Variants in ASTN1 observed in about 807,000 individuals in gnomAD.
ASTN1 encodes astrotactin 1.
ASTN1 carries 41 observed loss-of-function variants against 140.7 expected under a neutral mutation model. That is an observed-to-expected ratio of 0.29 (90% CI 0.23 to 0.38). The LOEUF (loss-of-function observed/expected upper bound fraction) is 0.38, where lower values mean the gene tolerates loss of function less well. Among genes scored for constraint, ASTN1 ranks in the 10% least tolerant of loss-of-function variants. The pLI is 1.00. For missense variants in ASTN1, 1,479 were observed against 1,678.8 expected (o/e 0.88, Z 2.08); for synonymous variants, 640 against 652.2 (o/e 0.98, Z 0.29).
chr1:177,029,958 C>G (rs1676341533), intron 4 of ASTN1, among the ~76,000 whole-genome samples: 1 of 152,218 alleles, frequency 6.6e-6, no homozygotes, highest in Non-Finnish European at 1.5e-5. Flanking sequence ...CCCTGCCCCA[C>G]CCACTTCCCT....
chr1:176,987,899 A>G (rs556802457), intron 8 of ASTN1, among the ~76,000 whole-genome samples: 1 of 152,328 alleles, frequency 6.6e-6, no homozygotes, highest in South Asian at 2.1e-4. Flanking sequence ...TTTGGCAACT[A>G]ACAGGATATG....
intron 16 of ASTN1, among the ~76,000 whole-genome samples, chr1:176,902,041 C>T (rs1435515558): frequency 6.6e-6 from 1 of 152,148 alleles, no homozygotes; most frequent in African/African-American, 2.4e-5. Flanking sequence ...GCAGCCGGTC[C>T]CTCAAGAGCA....
chr1:177,101,383 C>A (rs1220095926), intron 1 of ASTN1, among the ~76,000 whole-genome samples: 1 of 152,194 alleles, frequency 6.6e-6, no homozygotes, highest in East Asian at 1.9e-4. Flanking sequence ...CAATGAACAA[C>A]CTACAGCTAC....
At chr1:176,988,317 GAA>G (rs386368806) in intron 8 of ASTN1, among the ~76,000 whole-genome samples, 1 of 139,972 alleles carries the variant, frequency 7.1e-6, no homozygotes. Flanking sequence ...GATATATTGG[GAA>G]AAAAAAAAAA....
At chr1:177,039,525 G>T (rs1037389242) in intron 2 of ASTN1, among the ~76,000 whole-genome samples, 2 of 152,184 alleles carry the variant, frequency 1.3e-5, no homozygotes, top group Non-Finnish European at 2.9e-5. Flanking sequence ...GATAAGGAAT[G>T]GATAAAGCAG....
intron 1 of ASTN1, among the ~76,000 whole-genome samples, chr1:177,104,980 C>G (rs1245914197): frequency 1.3e-5 from 2 of 152,092 alleles, no homozygotes; most frequent in Non-Finnish European, 2.9e-5. Context: ...ACGGGCATTC[C>G]TCTACGACTA....
At chr1:177,148,140 C>T (rs1322059824) in intron 1 of ASTN1, among the ~76,000 whole-genome samples, 6 of 152,102 alleles carry the variant, frequency 3.9e-5, no homozygotes, top group African/African-American at 1.2e-4. Flanking sequence ...ATTTTCAGGC[C>T]GGGTGTGGTG....
chr1:176,868,124 T>A (rs979029827), intron 22 of ASTN1, among the ~76,000 whole-genome samples: 3 of 152,240 alleles, frequency 2.0e-5, no homozygotes, highest in African/African-American at 7.2e-5. Flanking sequence ...ATCCTTTTTA[T>A]CATATCTATC....
intron 16 of ASTN1, among the ~76,000 whole-genome samples, chr1:176,913,008 C>T (rs746752842): frequency 1.3e-5 from 2 of 152,198 alleles, no homozygotes; most frequent in African/African-American, 2.4e-5. Context: ...CACGGAAGGT[C>T]GTGCCCACCC....
intron 7 of ASTN1, among the ~76,000 whole-genome samples, chr1:177,019,678 A>T (rs1245677921): frequency 6.6e-6 from 1 of 152,174 alleles, no homozygotes; most frequent in Non-Finnish European, 1.5e-5. Flanking sequence ...TGCTCTAGGT[A>T]TATTACATCC....
Position 176,894,614 on chromosome 1 carries a change from A to C in ASTN1, c.2888T>G (p.Val963Gly). Residue 963 changes from valine (V) to glycine (G), a missense_variant, in exon 17 of 23, where the codon GTG becomes GGG. Val to Gly is a moderately radical substitution (Grantham distance 109). Transcript: ENST00000361833. ...TTCATAGATGGGGGCTGCTTTGGTC[A>C]CCTCCAGCAGAACCGGCTCAGCAGG... ...DTPAEPVLLE[V>G]TKAAPIYELV... is the part of the protein sequence containing the mutation. 1 of 1,613,910 alleles carries C rather than the reference A, an allele frequency of 6.2e-7. No individual in the cohort carries two copies. The highest frequency in any genetic ancestry group is 8.5e-7 in the Non-Finnish European group (1 of 1,179,990).
intron 10 of ASTN1, 79 bp from the exon 11 acceptor site, chr1:176,957,907 C>T: frequency 2.0e-6 from 3 of 1,475,928 alleles, no homozygotes; most frequent in Non-Finnish European, 2.8e-6. Context: ...TTCCATGCTC[C>T]TATCTAGTCA....
At chr1:176,973,293 C>A (rs1336384895) in intron 8 of ASTN1, among the ~76,000 whole-genome samples, 1 of 152,180 alleles carries the variant, frequency 6.6e-6, no homozygotes, top group Non-Finnish European at 1.5e-5. Context: ...GTTTTCCCGA[C>A]CTTCACCCAC....
intron 22 of ASTN1, among the ~76,000 whole-genome samples, chr1:176,868,074 A>G (rs148259995): frequency 1.3e-5 from 2 of 152,086 alleles, no homozygotes; most frequent in East Asian, 3.9e-4. Context: ...GAGCACCTAA[A>G]TAATTTGGGG....
At chr1:176,988,840 G>T (rs1331171022) in intron 8 of ASTN1, among the ~76,000 whole-genome samples, 1 of 152,144 alleles carries the variant, frequency 6.6e-6, no homozygotes, top group Non-Finnish European at 1.5e-5. Flanking sequence ...GCATTAAGAT[G>T]CATAGCCTAG....
Position 177,023,398 on chromosome 1 carries a change from G to T in ASTN1, c.1438+6C>A. On this transcript the variant is annotated splice_donor_region_variant and intron_variant, in intron 7 of 22. Coordinates refer to ENST00000361833, the MANE Select transcript of ASTN1 (RefSeq NM_004319.3). Reference sequence around the variant, plus strand: ...CAGTTACCCGCTGCCCGGTGCTCCCGCCTACCAGTTTCGGGGTCACATTGG... The same window carrying T: ...CAGTTACCCGCTGCCCGGTGCTCCCTCCTACCAGTTTCGGGGTCACATTGG... 1 of 1,580,540 alleles carries T rather than the reference G, an allele frequency of 6.3e-7. No homozygotes were observed. The highest frequency in any genetic ancestry group is 1.2e-5 in the South Asian group (1 of 86,762).
chr1:176,991,411 C>A (rs1674155002), intron 8 of ASTN1, among the ~76,000 whole-genome samples: 1 of 51,956 alleles, frequency 1.9e-5, no homozygotes, highest in East Asian at 5.7e-4. Context: ...TAAACTCTGT[C>A]TCAAAAAAAA....
Position 176,977,458 on chromosome 1 carries a change from C to T in ASTN1, c.1524-12221G>A, listed in dbSNP as rs904471842. On this transcript the variant is annotated intron_variant, in intron 8 of 22. Transcript: ENST00000361833. Reference sequence around the variant, plus strand: ...TTCCTCAAGTGTTTATCACTCACCTCTGATGAGACAGGTGCTATGGAGAGC... The same window carrying T: ...TTCCTCAAGTGTTTATCACTCACCTTTGATGAGACAGGTGCTATGGAGAGC... Among the ~76,000 whole-genome samples the T allele has an allele frequency of 5.3e-5, 8 of 152,308 alleles. No homozygotes were observed. In the South Asian group the frequency reaches 1.7e-3, roughly 32 times the overall value.
intron 1 of ASTN1, among the ~76,000 whole-genome samples, chr1:177,073,807 C>T (rs1238054659): frequency 6.6e-6 from 1 of 151,388 alleles, no homozygotes; most frequent in African/African-American, 2.4e-5. Context: ...GTTTCCCTAT[C>T]TTTCAAAAAA....
Sources: allele counts gnomAD v4.1 joint callset (sites outside exome capture counted in the v4.1 genomes callset), GRCh38; gene constraint gnomAD v4.1.1; transcripts MANE v1.5; gene names NCBI Gene and HGNC (gene_info 2026-07-23, HGNC 2026-07-21).